Variants in NRXN1 observed in about 807,000 individuals in gnomAD.
NRXN1 encodes neurexin-1.
Under a neutral mutation model 150.9 loss-of-function variants are expected in NRXN1, and 39 were observed. The ratio of observed to expected loss-of-function variants is 0.26; its 90% confidence interval spans 0.20 to 0.34. The LOEUF (loss-of-function observed/expected upper bound fraction) is 0.34, where lower values mean the gene tolerates loss of function less well. Among genes scored for constraint, NRXN1 ranks in the 10% least tolerant of loss-of-function variants. The pLI, the probability that NRXN1 is intolerant of heterozygous loss-of-function variation, is 1.00. For synonymous variants in NRXN1, 924 were observed against 757.0 expected, an observed-to-expected ratio of 1.22 and a Z score of -3.62; for missense variants, 1,815 against 1,949.9, an observed-to-expected ratio of 0.93 and a Z score of 1.30.
At chr2:50,798,442 T>C (rs1267754657) in intron 5 of NRXN1, among the ~76,000 whole-genome samples, 1 of 152,200 alleles carries the variant, frequency 6.6e-6, no homozygotes, top group Non-Finnish European at 1.5e-5. Context: ...AAAGGAATGA[T>C]AACTTTATAT....
chr2:50,512,322 A>G (rs749967550), intron 12 of NRXN1, among the ~76,000 whole-genome samples: 1 of 152,212 alleles, frequency 6.6e-6, no homozygotes, highest in Non-Finnish European at 1.5e-5. Flanking sequence ...AAGTGAAGCC[A>G]GAGGACAATA....
chr2:50,275,900 G>A (rs1285834406), intron 17 of NRXN1, among the ~76,000 whole-genome samples: 3 of 150,208 alleles, frequency 2.0e-5, no homozygotes, highest in Non-Finnish European at 4.4e-5. Flanking sequence ...TTTGTTTAAT[G>A]TGCCTGCATT....
At chr2:50,175,072 A>G (rs919816800) in intron 18 of NRXN1, 6 of 152,276 alleles carry the variant, frequency 3.9e-5, no homozygotes, top group South Asian at 2.1e-4. Flanking sequence ...GCTAAGCCAC[A>G]TAATAGTAGG....
chr2:50,208,537 T>C (rs1217259960), intron 18 of NRXN1, among the ~76,000 whole-genome samples: 1 of 152,090 alleles, frequency 6.6e-6, no homozygotes, highest in Non-Finnish European at 1.5e-5. Context: ...TTCACTAAAA[T>C]GCTATTTGCT....
rs960654577 is a variant in NRXN1, at chr2:50,514,223, T to A, written c.2375-7606A>T. 6.6e-5 allele frequency among the ~76,000 whole-genome samples: 10 copies of A among 152,290 alleles called. 1 individual carries two copies. The highest frequency in any genetic ancestry group is 8.8e-5 in the Non-Finnish European group (6 of 68,014). On this transcript the variant is annotated intron_variant, in intron 12 of 22. Transcript: ENST00000401669. ...AGATGATGGACAGGCAGGAATTTTT[T>A]AAAAATACTAGAATCACCTTATATG...
intron 5 of NRXN1, among the ~76,000 whole-genome samples, chr2:50,910,906 A>C (rs191121197): frequency 6.6e-6 from 1 of 151,942 alleles, no homozygotes; most frequent in East Asian, 2.0e-4. Context: ...CCAACTCTGC[A>C]CAGATCTCAC....
intron 5 of NRXN1, chr2:50,632,729 T>C (rs969660124): frequency 2.0e-5 from 3 of 152,100 alleles, no homozygotes; most frequent in African/African-American, 7.2e-5. Flanking sequence ...AAAATATATA[T>C]TGATATCATG....
intron 11 of NRXN1, among the ~76,000 whole-genome samples, chr2:50,529,558 T>A (rs1216790200): frequency 6.6e-6 from 1 of 152,176 alleles, no homozygotes; most frequent in Non-Finnish European, 1.5e-5. Flanking sequence ...TTTTATTATT[T>A]AATGCCTTTG....
At chr2:51,001,880 C>A (rs910132950) in intron 2 of NRXN1, among the ~76,000 whole-genome samples, 2 of 151,934 alleles carry the variant, frequency 1.3e-5, no homozygotes, top group Non-Finnish European at 2.9e-5. Context: ...GATTTTCTGA[C>A]CTTCTCCTGA....
intron 2 of NRXN1, among the ~76,000 whole-genome samples, chr2:50,929,437 A>G (rs1424907859): frequency 6.6e-6 from 1 of 152,044 alleles, no homozygotes; most frequent in Non-Finnish European, 1.5e-5. Flanking sequence ...TGACCAAAAG[A>G]AGCTTCCTGA....
chr2:50,078,386 T>A (rs2351154), intron 19 of NRXN1, among the ~76,000 whole-genome samples: 48,556 of 151,392 alleles, frequency 0.32, 8,566 homozygotes, highest in African/African-American at 0.44. Flanking sequence ...AAAAAAAAAA[T>A]CTTATAGAAT....
chr2:50,157,075 G>A (rs12468477), intron 18 of NRXN1, among the ~76,000 whole-genome samples: 1 of 152,004 alleles, frequency 6.6e-6, no homozygotes, highest in Admixed American at 6.6e-5. Flanking sequence ...AAGACACATA[G>A]AGGTACACAG....
At chr2:50,770,201 G>A (rs1702841587) in intron 5 of NRXN1, among the ~76,000 whole-genome samples, 1 of 151,998 alleles carries the variant, frequency 6.6e-6, no homozygotes, top group African/African-American at 2.4e-5. Context: ...AAATGTTTAA[G>A]ACAATTAGTA....
chr2:50,061,383 G>C (rs1178010553), intron 19 of NRXN1, among the ~76,000 whole-genome samples: 1 of 152,144 alleles, frequency 6.6e-6, no homozygotes, highest in East Asian at 1.9e-4. Flanking sequence ...GGATATAGAA[G>C]CTTTACATAC....
At chr2:50,291,484 G>C (rs1049348635) in intron 17 of NRXN1, among the ~76,000 whole-genome samples, 3 of 152,114 alleles carry the variant, frequency 2.0e-5, no homozygotes, top group Non-Finnish European at 4.4e-5. Context: ...CAGATGTTCA[G>C]CAGTGCATTT....
At chr2:50,014,563 C>T (rs1364405828) in intron 21 of NRXN1, among the ~76,000 whole-genome samples, 4 of 152,120 alleles carry the variant, frequency 2.6e-5, no homozygotes, top group Non-Finnish European at 5.9e-5. Context: ...CCAGACATTG[C>T]CAAATACTCG....
At chr2:50,062,583 G>A (rs1694717069) in intron 19 of NRXN1, among the ~76,000 whole-genome samples, 1 of 152,102 alleles carries the variant, frequency 6.6e-6, no homozygotes, top group Non-Finnish European at 1.5e-5. Context: ...GGAAATGAGA[G>A]TAATTACAAA....
At chr2:50,164,242 G>A (rs1422951169) in intron 18 of NRXN1, among the ~76,000 whole-genome samples, 1 of 152,144 alleles carries the variant, frequency 6.6e-6, no homozygotes, top group South Asian at 2.1e-4. Context: ...CACAATGAGA[G>A]AAACTGTTTC....
intron 15 of NRXN1, among the ~76,000 whole-genome samples, chr2:50,479,772 T>TTTTTTTTTTG: frequency 8.2e-6 from 1 of 121,780 alleles, no homozygotes; most frequent in East Asian, 2.2e-4. Context: ...TTTTTCTTTT[T>TTTTTTTTTTG]TTTTTTTTTT....
Sources: allele counts gnomAD v4.1 joint callset (sites outside exome capture counted in the v4.1 genomes callset), GRCh38; gene constraint gnomAD v4.1.1; transcripts MANE v1.5; gene names NCBI Gene and HGNC (gene_info 2026-07-23, HGNC 2026-07-21).